The following ANKZF1 variants were observed in gnomAD, a reference collection of about 807,000 sequenced individuals.
ANKZF1 encodes the protein ankyrin repeat and zinc finger peptidyl tRNA hydrolase 1.
Under a neutral mutation model 86.0 loss-of-function variants are expected in ANKZF1, and 84 were observed. That is an observed-to-expected ratio of 0.98 (90% CI 0.82 to 1.17). The LOEUF (loss-of-function observed/expected upper bound fraction) is 1.17, where lower values mean the gene tolerates loss of function less well. ANKZF1 is among the 50% of genes most tolerant of loss of function. ANKZF1 has a pLI of 0.00. For missense variants in ANKZF1, 893 were observed against 918.4 expected, an observed-to-expected ratio of 0.97 and a Z score of 0.36; for synonymous variants, 331 against 354.2, an observed-to-expected ratio of 0.93 and a Z score of 0.74.
In ANKZF1 at chr2:219,235,221, G is replaced by A. The variant is rs773452240; in HGVS notation, c.1600G>A (p.Gly534Ser). The A allele has an allele frequency of 1.2e-5, 20 of 1,613,694 alleles. No homozygotes were observed. The highest frequency in any genetic ancestry group is 5.5e-5 in the South Asian group (5 of 91,088). ...LSLLSAPLGS[G>S]GFTLLHAAAA... ...TCTGCTCAGTGCCCCCTTGGGCTCC[G>A]GTGGCTTTACTCTCCTGCATGCAGC... is the stretch of plus-strand genomic sequence containing the variant. Residue 534 changes from glycine (G) to serine (S), a missense_variant, in exon 10 of 14, where the codon GGT becomes AGT. Gly to Ser is a moderately conservative substitution (Grantham distance 56). Transcript: ENST00000323348.
chr2:219,234,318 C>A (rs972487320), intron 9 of ANKZF1, 30 bp downstream of exon 9: 5 of 1,613,576 alleles, frequency 3.1e-6, no homozygotes, highest in Non-Finnish European at 4.2e-6. Flanking sequence ...ACTGTCAGAT[C>A]TGAGTTTCTG....
In ANKZF1 at chr2:219,236,084, C is replaced by T. The variant is rs772226663; in HGVS notation, c.2046C>T (p.Ile682=). ...CCTCTCCAATCCCTGACTCTGCAATCGTCAATACTCGGTATGGGGTGCGGG... is the reference window on the plus strand; with the variant it reads ...CCTCTCCAATCCCTGACTCTGCAATTGTCAATACTCGGTATGGGGTGCGGG... ...APTSPIPDSA[I]VNTRRCWSCG... is the part of the protein sequence containing the mutation. Residue 682 remains isoleucine (I), a synonymous_variant, in exon 13 of 14, where the codon ATC becomes ATT. Coordinates refer to ENST00000323348, the MANE Select transcript of ANKZF1 (RefSeq NM_018089.3). The T allele has an allele frequency of 8.7e-6, 14 of 1,614,080 alleles. No homozygotes were observed. Among genetic ancestry groups the T allele is most frequent in the South Asian group, 5.5e-5 (5 of 91,086 alleles).
Position 219,232,369 on chromosome 2 carries a change from A to AGT in ANKZF1, c.364+9_364+10dup. ...GAAAAGCAGAGCTCCACAGGTGATG[A>AGT]GTGGTAGGGGGACCTATGTAGGAGT... On this transcript the variant is annotated splice_region_variant and intron_variant, in intron 4 of 13. Coordinates refer to ENST00000323348, the MANE Select transcript of ANKZF1 (RefSeq NM_018089.3). 6.2e-7 allele frequency: 1 copy of AGT among 1,613,934 alleles called. No individual in the cohort carries two copies. The highest frequency in any genetic ancestry group is 1.6e-4 in the Middle Eastern group (1 of 6,062).
chr2:219,230,408 ATCCTGGAAGGTT>A lies in ANKZF1; in HGVS notation c.148+6_148+17del, dbSNP rs761452254. ...GGCTCCGCGTACTTCCTGTTCAGGT[ATCCTGGAAGGTT>A]TCGTGTGAAACGTGACAGGGCTCCT... On this transcript the variant is annotated splice_donor_5th_base_variant and intron_variant, in intron 2 of 13. Transcript: ENST00000323348. 6.2e-7 allele frequency: 1 copy of A among 1,601,974 alleles called. No individual in the cohort carries two copies. The highest frequency in any genetic ancestry group is 1.7e-5 in the Admixed American group (1 of 59,140).
chr2:219,233,497 C>T (rs900948366), intron 7 of ANKZF1, 64 bp downstream of exon 7: 4 of 1,504,670 alleles, frequency 2.7e-6, no homozygotes, highest in Admixed American at 2.4e-5. Flanking sequence ...CTGTTCAACT[C>T]ACTGTTAAGT....
chr2:219,233,637 C>T (rs1951112649), intron 7 of ANKZF1, 78 bp from the exon 8 acceptor site: 3 of 1,499,574 alleles, frequency 2.0e-6, no homozygotes, highest in Admixed American at 4.2e-5. Context: ...CCTTGCACTT[C>T]TGTGGGCCAT....
chr2:219,232,385 A>G, intron 4 of ANKZF1, 23 bp downstream of exon 4: 1 of 1,612,888 alleles, frequency 6.2e-7, no homozygotes, highest in Non-Finnish European at 8.5e-7. Flanking sequence ...AGGGGGACCT[A>G]TGTAGGAGTA....
At position 219,232,283 on chromosome 2, in the gene ANKZF1, G is replaced by A; in HGVS notation, c.285G>A (p.Trp95Ter). 2 of 1,614,146 alleles carry A rather than the reference G, an allele frequency of 1.2e-6. No individual in the cohort carries two copies. The highest frequency in any genetic ancestry group is 1.1e-5 in the South Asian group (1 of 91,088). Reference protein sequence around the residue: ...QEQREHYKLDWHRFNLKQRLK... With the variant: ...QEQREHYKLD ...AGAGGGAACATTATAAGCTTGACTG[G>A]CATCGGTTTAACCTAAAGCAACGTC... The change falls in exon 4 of 14, where the codon TGG (tryptophan) becomes TGA (stop). Residue 95 changes from tryptophan to a stop codon, truncating the protein, a stop_gained. Transcript: ENST00000323348. LOFTEE classifies it high-confidence loss of function.
chr2:219,233,251 G>T lies in ANKZF1; in HGVS notation c.672-35G>T, dbSNP rs895813476. 1.9e-6 allele frequency: 3 copies of T among 1,614,112 alleles called. No homozygotes were observed. The African/African-American group carries it at 4.0e-5, about 22-fold the overall frequency. Reference sequence around the variant, plus strand: ...GGATCCTGTTAGCCAGGGAGCACCAGCTGGTCTCCAGTACTGAGTCTGTGC... The same window carrying T: ...GGATCCTGTTAGCCAGGGAGCACCATCTGGTCTCCAGTACTGAGTCTGTGC... On this transcript the variant is annotated intron_variant, in intron 6 of 13. Transcript: ENST00000323348.
chr2:219,235,049 T>C lies in ANKZF1; in HGVS notation c.1428T>C (p.Ala476=). Residue 476 remains alanine (A), a synonymous_variant, in exon 10 of 14, where the codon GCT becomes GCC. Coordinates refer to ENST00000323348, the MANE Select transcript of ANKZF1 (RefSeq NM_018089.3). ...EPSTQSSQAV[A]APLGPLLDEA... is the part of the protein sequence containing the mutation. ...CCACACAGTCATCCCAGGCAGTTGC[T>C]GCCCCCTTGGGCCCTTTGCTGGATG... is the stretch of plus-strand genomic sequence containing the variant. 6.2e-7 allele frequency: 1 copy of C among 1,614,280 alleles called. No homozygotes were observed. Among genetic ancestry groups the C allele is most frequent in the Non-Finnish European group, 8.5e-7 (1 of 1,180,054 alleles).
In ANKZF1 at chr2:219,232,763, C is replaced by A. The variant is rs1951081761; in HGVS notation, c.558+80C>A. The A allele has an allele frequency of 1.3e-5, 18 of 1,405,228 alleles. 1 individual carries two copies. The South Asian group carries it at 2.4e-4, about 19-fold the overall frequency. The allele number at this position is 1,405,228 out of a possible 1,614,324, so 87.0% of individuals were successfully genotyped here. ...AGATTTCCCTTAGCCTAGTGCATTT[C>A]TCCCTGCTTCTCTTCCTTCCTGTTG... On this transcript the variant is annotated intron_variant, in intron 5 of 13. Transcript: ENST00000323348.
rs1951103355 is a variant in ANKZF1 at position 219,233,398 on chromosome 2, A to C, written c.784A>C (p.Asn262His). Residue 262 changes from asparagine to histidine, a missense_variant, in exon 7 of 14, where the codon AAC (asparagine) becomes CAC (histidine). Physicochemically the swap from Asn to His is moderately conservative, Grantham distance 68. Transcript: ENST00000323348. ...RGGPSHSAGA[N>H]LRRYNEATLY... ...TGGGCCATCACACTCTGCTGGAGCCAACCTGAGGCGCTACAATGAAGCCAC... is the reference window on the plus strand; with the variant it reads ...TGGGCCATCACACTCTGCTGGAGCCCACCTGAGGCGCTACAATGAAGCCAC... 6.2e-7 allele frequency: 1 copy of C among 1,613,938 alleles called. No homozygotes were observed. The highest frequency in any genetic ancestry group is 1.7e-5 in the Admixed American group (1 of 59,988).
chr2:219,230,567 C>T (rs566487137), intron 2 of ANKZF1, 162 bp downstream of exon 2: 2 of 955,090 alleles, frequency 2.1e-6, no homozygotes, highest in African/African-American at 1.7e-5. Context: ...CCAGCACAGC[C>T]CTTGTTTTCA....
intron 3 of ANKZF1, 62 bp downstream of exon 3, chr2:219,232,102 GT>G: frequency 6.8e-7 from 1 of 1,476,390 alleles, no homozygotes; most frequent in Non-Finnish European, 9.3e-7. Flanking sequence ...GTGGGGAGAG[GT>G]AGACATTTGA....
At chr2:219,232,405 G>A (rs1296573874) in intron 4 of ANKZF1, 43 bp downstream of exon 4, 5 of 1,611,488 alleles carry the variant, frequency 3.1e-6, no homozygotes, top group Non-Finnish European at 4.2e-6. Context: ...AGGACATGGA[G>A]GTATAAGAAA....
rs777630801 is a variant in ANKZF1 at position 219,231,874 on chromosome 2, G to A, written c.149-54G>A. 42 of 1,400,320 alleles carry A rather than the reference G, an allele frequency of 3.0e-5. No homozygotes were observed. The Admixed American group carries it at 6.9e-4, about 23-fold the overall frequency. 86.7% of individuals were successfully genotyped at this position (1,400,320 alleles called of 1,614,324 possible). On this transcript the variant is annotated intron_variant, in intron 2 of 13. Transcript: ENST00000323348. Reference sequence around the variant, plus strand: ...ATATCACACTCTGAATATAATTCTTGTCACTGTGGATTTGGGCTCCCTTTC... The same window carrying A: ...ATATCACACTCTGAATATAATTCTTATCACTGTGGATTTGGGCTCCCTTTC...
intron 8 of ANKZF1, 70 bp from the exon 9 acceptor site, chr2:219,234,063 C>T (rs1370011803): frequency 1.3e-6 from 2 of 1,566,906 alleles, no homozygotes; most frequent in Non-Finnish European, 1.7e-6. Context: ...CCAGCTACAT[C>T]TGCATTGAGA....
intron 9 of ANKZF1, chr2:219,234,559 T>C: frequency 1.5e-6 from 1 of 646,324 alleles, no homozygotes; most frequent in South Asian, 2.0e-5. Context: ...GATTGGATGC[T>C]GTGGTTTGAG....
intron 5 of ANKZF1, 31 bp downstream of exon 5, chr2:219,232,714 C>G (rs767947994): frequency 6.3e-7 from 1 of 1,597,980 alleles, no homozygotes. Context: ...CATGGCTAAC[C>G]CCAGCCTTTT....
Sources: allele counts gnomAD v4.1 joint callset, GRCh38; gene constraint gnomAD v4.1.1; transcripts MANE v1.5; gene names NCBI Gene and HGNC (gene_info 2026-07-23, HGNC 2026-07-21).